SIPA1L1: variants seen among roughly 807,000 people sequenced by gnomAD.
SIPA1L1 encodes signal-induced proliferation-associated 1-like protein 1.
A neutral mutation model predicts 162.7 loss-of-function variants in SIPA1L1; 26 were observed. The ratio of observed to expected loss-of-function variants is 0.16; its 90% CI spans 0.12 to 0.22. The LOEUF (loss-of-function observed/expected upper bound fraction) is 0.22. SIPA1L1 is among the 10% of genes least tolerant of loss of function. SIPA1L1 has a pLI of 1.00. For missense variants in SIPA1L1, 1,874 were observed against 2,241.0 expected, an observed-to-expected ratio of 0.84 and a Z score of 3.31; for synonymous variants, 829 against 837.4, an observed-to-expected ratio of 0.99 and a Z score of 0.17.
At chr14:71,415,842 C>A (rs942885494) in intron 2 of SIPA1L1, 3 of 152,246 alleles carry the variant, frequency 2.0e-5, no homozygotes, top group Admixed American at 2.0e-4. Flanking sequence ...GGATTACAGG[C>A]GTGTGCCTCC....
chr14:71,431,426 G>C (rs1475542736), intron 2 of SIPA1L1, among the ~76,000 whole-genome samples: 1 of 152,146 alleles, frequency 6.6e-6, no homozygotes, highest in Non-Finnish European at 1.5e-5. Flanking sequence ...GGGTGTGGTG[G>C]CTCTCAGCTG....
At chr14:71,515,114 T>A (rs1421400498) in intron 3 of SIPA1L1, among the ~76,000 whole-genome samples, 1 of 152,232 alleles carries the variant, frequency 6.6e-6, no homozygotes, top group East Asian at 1.9e-4. Flanking sequence ...AGTGAAAAGA[T>A]CTGTATATTG....
chr14:71,700,166 T>C (rs1198190318), intron 14 of SIPA1L1, among the ~76,000 whole-genome samples: 1 of 151,574 alleles, frequency 6.6e-6, no homozygotes, highest in Non-Finnish European at 1.5e-5. Context: ...TATTGTTTAT[T>C]TAAAACCAGA....
chr14:71,516,192 G>A (rs534260615), intron 3 of SIPA1L1, among the ~76,000 whole-genome samples: 10 of 152,142 alleles, frequency 6.6e-5, no homozygotes, highest in Non-Finnish European at 1.5e-4. Flanking sequence ...TAAGCATTCT[G>A]CTCATGTGAT....
At chr14:71,494,243 A>G (rs1292417916) in intron 2 of SIPA1L1, among the ~76,000 whole-genome samples, 2 of 152,100 alleles carry the variant, frequency 1.3e-5, no homozygotes, top group African/African-American at 4.8e-5. Flanking sequence ...TACTGTTGGT[A>G]TGATGTTTGT....
chr14:71,629,468 T>A (rs1402451090), intron 7 of SIPA1L1, among the ~76,000 whole-genome samples: 1 of 152,232 alleles, frequency 6.6e-6, no homozygotes, highest in Non-Finnish European at 1.5e-5. Context: ...TCAGCCACCC[T>A]GTCCTCTTTT....
At chr14:71,698,334 A>G (rs1387035438) in intron 13 of SIPA1L1, among the ~76,000 whole-genome samples, 1 of 152,250 alleles carries the variant, frequency 6.6e-6, no homozygotes, top group African/African-American at 2.4e-5. Flanking sequence ...CCATAACTTT[A>G]AAAACAGATA....
At chr14:71,343,030 T>C (rs533630085) in intron 2 of SIPA1L1, among the ~76,000 whole-genome samples, 1 of 152,302 alleles carries the variant, frequency 6.6e-6, no homozygotes, top group East Asian at 1.9e-4. Flanking sequence ...GTGCACTCAT[T>C]TATAGCAAGA....
At chr14:71,420,988 C>T (rs896367986) in intron 2 of SIPA1L1, among the ~76,000 whole-genome samples, 3 of 152,120 alleles carry the variant, frequency 2.0e-5, no homozygotes, top group African/African-American at 7.2e-5. Flanking sequence ...TCTTTTAAGT[C>T]TTTCTTAATC....
chr14:71,473,877 A>C (rs2047655725), intron 2 of SIPA1L1, among the ~76,000 whole-genome samples: 1 of 152,202 alleles, frequency 6.6e-6, no homozygotes, highest in Non-Finnish European at 1.5e-5. Flanking sequence ...AAGCTGTTCT[A>C]AGAAATAAGC....
intron 2 of SIPA1L1, among the ~76,000 whole-genome samples, chr14:71,324,825 C>T (rs970323307): frequency 1.3e-5 from 2 of 152,172 alleles, no homozygotes; most frequent in African/African-American, 4.8e-5. Context: ...AAATTTTAGA[C>T]CTTTTTTCTC....
intron 4 of SIPA1L1, among the ~76,000 whole-genome samples, chr14:71,573,290 G>A (rs773988413): frequency 1.4e-4 from 22 of 152,312 alleles, no homozygotes; most frequent in South Asian, 4.1e-4. Flanking sequence ...GTAAAATCAC[G>A]TCTCAGTGTT....
chr14:71,670,556 G>T (rs147807363), intron 10 of SIPA1L1, among the ~76,000 whole-genome samples: 210 of 152,178 alleles, frequency 1.4e-3, no homozygotes, highest in Non-Finnish European at 2.5e-3. Context: ...TTTTAATCTG[G>T]TTGCATAATG....
intron 2 of SIPA1L1, among the ~76,000 whole-genome samples, chr14:71,495,886 C>CAAAAAAA (rs61183823): frequency 1.1e-3 from 43 of 37,984 alleles, no homozygotes; most frequent in East Asian, 5.1e-3. Flanking sequence ...TCCATCTCTA[C>CAAAAAAA]AAAAAAAAAA....
In SIPA1L1 at chr14:71,584,601, G is replaced by A. The variant is rs2034353843; in HGVS notation, c.-302-2970G>A. Among the ~76,000 whole-genome samples the A allele has an allele frequency of 2.0e-5, 3 of 152,182 alleles. No individual in the cohort carries two copies. In the South Asian group the frequency reaches 6.2e-4, roughly 32 times the overall value. ...GGGGTGATTTGGATGAGAGGAGGAAGCATTTCTTCTGGAAGAATGGTGGGT... is the reference window on the plus strand; with the variant it reads ...GGGGTGATTTGGATGAGAGGAGGAAACATTTCTTCTGGAAGAATGGTGGGT... On this transcript the variant is annotated intron_variant, in intron 4 of 23. Transcript: ENST00000381232.
At chr14:71,466,837 A>C (rs2047039503) in intron 2 of SIPA1L1, among the ~76,000 whole-genome samples, 1 of 152,220 alleles carries the variant, frequency 6.6e-6, no homozygotes, top group Non-Finnish European at 1.5e-5. Flanking sequence ...GAACCAATGT[A>C]ATGGCATTAG....
At chr14:71,634,797 G>A (rs1384949033) in intron 7 of SIPA1L1, among the ~76,000 whole-genome samples, 7 of 151,838 alleles carry the variant, frequency 4.6e-5, no homozygotes, top group Admixed American at 1.3e-4. Context: ...TTAGCCAGGC[G>A]TGGTGGCAGG....
chr14:71,365,088 G>A (rs542537738), intron 2 of SIPA1L1, among the ~76,000 whole-genome samples: 2 of 151,776 alleles, frequency 1.3e-5, no homozygotes, highest in Non-Finnish European at 2.9e-5. Context: ...GTGTAGTAGT[G>A]CGATCACGGC....
At chr14:71,731,022 G>A (rs1055987128) in intron 20 of SIPA1L1, among the ~76,000 whole-genome samples, 2 of 152,106 alleles carry the variant, frequency 1.3e-5, no homozygotes, top group East Asian at 1.9e-4. Flanking sequence ...TGCCTGTCAC[G>A]GAACCAGTGT....
Sources: gnomAD v4.1 joint callset for allele counts (sites outside exome capture counted in the v4.1 genomes callset) on GRCh38, gnomAD v4.1.1 for gene constraint, MANE v1.5 for transcripts, NCBI Gene and HGNC (gene_info 2026-07-23, HGNC 2026-07-21) for gene names.